Variants in XIRP2 observed in about 807,000 individuals in gnomAD.
The protein encoded by XIRP2 is xin actin-binding repeat-containing protein 2.
A neutral mutation model predicts 277.0 loss-of-function variants in XIRP2; 236 were observed. The observed-to-expected ratio is 0.85, with a 90% CI of 0.77 to 0.95. The LOEUF is 0.95. Among genes scored for constraint, XIRP2 ranks in the 40% least tolerant of loss-of-function variants. The pLI is 0.00. For missense variants in XIRP2, 4,640 were observed against 4,157.5 expected, an observed-to-expected ratio of 1.12 and a Z score of -3.19; for synonymous variants, 1,490 against 1,416.5, an observed-to-expected ratio of 1.05 and a Z score of -1.17.
chr2:167,063,939 T>G (rs564491633), intron 2 of XIRP2, among the ~76,000 whole-genome samples: 2 of 151,696 alleles, frequency 1.3e-5, no homozygotes, highest in South Asian at 4.2e-4. Flanking sequence ...TCTATATTAG[T>G]ATAATATCTA....
chr2:167,169,595 C>A (rs1692625204), intron 3 of XIRP2, among the ~76,000 whole-genome samples: 1 of 152,208 alleles, frequency 6.6e-6, no homozygotes, highest in Admixed American at 6.5e-5. Context: ...CAGCTTTTGA[C>A]TTCTCAAGAC....
At chr2:167,099,446 T>C (rs1372961174) in intron 2 of XIRP2, among the ~76,000 whole-genome samples, 1 of 152,268 alleles carries the variant, frequency 6.6e-6, no homozygotes, top group East Asian at 1.9e-4. Context: ...CTTGCTGGGC[T>C]CTGTGGTGGT....
intron 2 of XIRP2, among the ~76,000 whole-genome samples, chr2:166,948,735 C>A (rs979527219): frequency 4.0e-5 from 6 of 151,826 alleles, no homozygotes; most frequent in Admixed American, 3.9e-4. Context: ...TAGAAAGTTG[C>A]AAAAAGCCTT....
At position 167,250,198 on chromosome 2, in the gene XIRP2, G is replaced by A. The variant is rs2105447228; in HGVS notation, c.8806G>A (p.Asp2936Asn). The change falls in exon 9 of 11, where the codon GAT becomes AAT. Residue 2936 changes from aspartate to asparagine, a missense_variant. By Grantham distance (23) the Asp-to-Asn change is conservative (BLOSUM62 1). Transcript: ENST00000409195. Reference protein sequence around the residue: ...FFSSVKESQRDDGKGALNIVE... With the variant: ...FFSSVKESQRNDGKGALNIVE... ...TTCCTCTGTGAAAGAATCCCAGCGG[G>A]ATGATGGAAAAGGTGCCTTAAATAT... 6.2e-7 allele frequency: 1 copy of A among 1,613,540 alleles called. No individual in the cohort carries two copies. The highest frequency in any genetic ancestry group is 8.5e-7 in the Non-Finnish European group (1 of 1,179,692).
At chr2:167,252,029 A>C (rs971045193) in intron 9 of XIRP2, 82 bp downstream of exon 9, 278 of 1,494,828 alleles carry the variant, frequency 1.9e-4, no homozygotes, top group Non-Finnish European at 2.4e-4. Context: ...ACAGTTAAAA[A>C]GAGTGCGTGG....
chr2:167,046,938 G>GA (rs921596016), intron 2 of XIRP2, among the ~76,000 whole-genome samples: 95 of 147,138 alleles, frequency 6.5e-4, no homozygotes, highest in African/African-American at 2.2e-3. Flanking sequence ...AAAGTTGAAA[G>GA]AAAAAAAAAA....
chr2:166,956,164 TTG>T (rs1039917190), intron 2 of XIRP2, among the ~76,000 whole-genome samples: 3 of 151,830 alleles, frequency 2.0e-5, no homozygotes, highest in Non-Finnish European at 2.9e-5. Flanking sequence ...GCTTTGCTGT[TTG>T]TGTGTGAAAG....
At chr2:167,137,565 C>T (rs1227586903) in intron 3 of XIRP2, among the ~76,000 whole-genome samples, 3 of 152,190 alleles carry the variant, frequency 2.0e-5, no homozygotes, top group South Asian at 2.1e-4. Flanking sequence ...CATCTTACTT[C>T]TCCTCATCTG....
chr2:167,239,077 C>CCA lies in XIRP2; in HGVS notation c.859-778_859-777insCA, dbSNP rs750534407. The stretch of plus-strand genomic sequence containing the variant: ...CTAGCATAATAATTTATATTGGTTA[C>CCA]ATTTAATGGTTATATTCTTCAACTG... On this transcript the variant is annotated intron_variant, in intron 5 of 10. Coordinates refer to ENST00000409195, the MANE Select transcript of XIRP2 (RefSeq NM_152381.6). Among the ~76,000 whole-genome samples, 1,030 of 152,240 alleles carry CCA rather than the reference C, an allele frequency of 6.8e-3. 4 individuals are homozygous for CCA. The highest frequency in any genetic ancestry group is 0.017 in the Middle Eastern group (5 of 294).
intron 3 of XIRP2, among the ~76,000 whole-genome samples, chr2:167,180,644 T>C (rs948029036): frequency 3.3e-5 from 5 of 152,224 alleles, no homozygotes; most frequent in Non-Finnish European, 7.3e-5. Flanking sequence ...GAATGTAGCT[T>C]GTATCTTTGT....
chr2:166,972,883 G>A (rs752971289), intron 2 of XIRP2, among the ~76,000 whole-genome samples: 1 of 152,210 alleles, frequency 6.6e-6, no homozygotes, highest in South Asian at 2.1e-4. Flanking sequence ...AAAGAAGAAT[G>A]GCAATTTTTG....
intron 2 of XIRP2, among the ~76,000 whole-genome samples, chr2:167,134,504 G>A (rs1691485202): frequency 6.6e-6 from 1 of 152,114 alleles, no homozygotes; most frequent in Non-Finnish European, 1.5e-5. Flanking sequence ...TCATGTCTGT[G>A]TACTTAAGAG....
Position 166,939,637 on chromosome 2 carries a change from G to A in XIRP2, c.408+35747G>A, listed in dbSNP as rs191743678. 6.3e-3 allele frequency among the ~76,000 whole-genome samples: 814 copies of A among 129,176 alleles called. 3 individuals are homozygous for A. Among genetic ancestry groups the A allele is most frequent in the Non-Finnish European group, 9.7e-3 (628 of 64,704 alleles). The allele number at this position is 129,176 out of a possible 152,430, so 84.7% of individuals were successfully genotyped here. A position where few individuals can be genotyped will look rare whatever the true frequency, so the allele number is the denominator to read the frequency against. On this transcript the variant is annotated intron_variant, in intron 2 of 10. Transcript: ENST00000409195. The stretch of plus-strand genomic sequence containing the variant: ...GGAGCTTTCAGTGAGCCGAGATCAC[G>A]CCACTGCACTCTGGCCTGGGCGAAA...
chr2:166,928,920 C>A (rs936525308), intron 2 of XIRP2, among the ~76,000 whole-genome samples: 6 of 152,004 alleles, frequency 3.9e-5, no homozygotes, highest in Non-Finnish European at 7.4e-5. Flanking sequence ...TGGGATACTT[C>A]ATTATCTTAC....
Position 167,251,674 on chromosome 2 carries a change from C to G in XIRP2, c.10282C>G (p.Gln3428Glu), listed in dbSNP as rs745451929. The change falls in exon 9 of 11, where the codon CAA becomes GAA. Residue 3428 changes from glutamine (Q) to glutamate (E), a missense_variant. Transcript: ENST00000409195. Reference sequence around the variant, plus strand: ...CTCAGGCATGGATGCATTTGAGAGTCAAATTGTTGAGTCGAAGATGAAAAC... The same window carrying G: ...CTCAGGCATGGATGCATTTGAGAGTGAAATTGTTGAGTCGAAGATGAAAAC... Reference protein sequence around the residue: ...HFSGMDAFESQIVESKMKTSS... With the variant: ...HFSGMDAFESEIVESKMKTSS... 3 of 1,613,374 alleles carry G rather than the reference C, an allele frequency of 1.9e-6. 1 individual carries two copies. The South Asian group carries it at 3.3e-5, about 18-fold the overall frequency.
chr2:167,134,060 G>T (rs1691463663), intron 2 of XIRP2, among the ~76,000 whole-genome samples: 1 of 151,866 alleles, frequency 6.6e-6, no homozygotes, highest in Non-Finnish European at 1.5e-5. Context: ...CATATATTTT[G>T]GGAGTATCCA....
In XIRP2 at chr2:166,888,558, G is replaced by A. The variant is rs1323421705; in HGVS notation, c.-19+1G>A. The A allele has an allele frequency of 1.3e-5, 2 of 152,100 alleles. No homozygotes were observed. The highest frequency in any genetic ancestry group is 1.9e-4 in the East Asian group (1 of 5,188). 9.4% of individuals were successfully genotyped at this position (152,100 alleles called of 1,614,324 possible). A position where few individuals can be genotyped will look rare whatever the true frequency, so the allele number is the denominator to read the frequency against. On this transcript the variant is annotated splice_donor_variant, in intron 1 of 10. Transcript: ENST00000409195. LOFTEE classifies it low-confidence loss of function (5UTR_SPLICE). ...AGGGACTGGGACATGTAGAAAAAAG[G>A]TAAGATTTTCCTAAGAAAAACCACT...
At chr2:167,044,997 A>G (rs953316345) in intron 2 of XIRP2, among the ~76,000 whole-genome samples, 1 of 152,048 alleles carries the variant, frequency 6.6e-6, no homozygotes, top group Non-Finnish European at 1.5e-5. Context: ...ATTTCAAACT[A>G]TACTGAATGG....
intron 2 of XIRP2, among the ~76,000 whole-genome samples, chr2:167,072,022 T>C (rs1288026285): frequency 6.6e-6 from 1 of 152,180 alleles, no homozygotes; most frequent in Non-Finnish European, 1.5e-5. Flanking sequence ...GACTCTGGTA[T>C]GCCAAACATA....
Sources: gnomAD v4.1 joint callset for allele counts (sites outside exome capture counted in the v4.1 genomes callset) on GRCh38, gnomAD v4.1.1 for gene constraint, MANE v1.5 for transcripts, NCBI Gene and HGNC (gene_info 2026-07-23, HGNC 2026-07-21) for gene names.